Variants in PLCZ1 observed in about 807,000 individuals in gnomAD.
The protein encoded by PLCZ1 is 1-phosphatidylinositol 4,5-bisphosphate phosphodiesterase zeta-1.
PLCZ1 carries 64 observed loss-of-function variants against 76.8 expected under a neutral mutation model. The observed-to-expected ratio is 0.83, with a 90% confidence interval of 0.68 to 1.03. The LOEUF is 1.03. PLCZ1 is among the 50% of genes least tolerant of loss of function. PLCZ1 has a pLI of 0.00. For missense variants in PLCZ1, 751 were observed against 713.7 expected (o/e 1.05, Z -0.60); for synonymous variants, 248 against 230.8 (o/e 1.07, Z -0.68).
rs1370935394 is a variant in PLCZ1 at position 18,700,538 on chromosome 12, A to AAAAAAAAAAAAAAAG, written c.1018-589_1018-588insCTTTTTTTTTTTTTT. On this transcript the variant is annotated intron_variant, in intron 9 of 14. Coordinates refer to ENST00000266505, the MANE Select transcript of PLCZ1 (RefSeq NM_033123.4). ...AAAAAAAAAAAAAAAAAAAAAAAAT[A>AAAAAAAAAAAAAAAG]GTTGCTCTGCCAAGAGATAGGCATT... 2.9e-5 allele frequency among the ~76,000 whole-genome samples: 4 copies of AAAAAAAAAAAAAAAG among 135,918 alleles called. 1 individual carries two copies. The highest frequency in any genetic ancestry group is 8.1e-5 in the Admixed American group (1 of 12,352). The allele number at this position is 135,918 out of a possible 152,430, so 89.2% of individuals were successfully genotyped here.
At chr12:18,664,495 T>C in the PLCZ1 span, among the ~76,000 whole-genome samples, 2 of 152,290 alleles carry the variant, frequency 1.3e-5, no homozygotes, top group East Asian at 1.9e-4. Context: ...GAGGGCATTA[T>C]GCTAAGTGAA....
At chr12:18,709,859 G>A (rs916465943) in intron 6 of PLCZ1, among the ~76,000 whole-genome samples, 1 of 151,950 alleles carries the variant, frequency 6.6e-6, no homozygotes, top group Non-Finnish European at 1.5e-5. Context: ...ATAGTTTTCA[G>A]TATACAGATC....
At chr12:18,665,377 T>C in the PLCZ1 span, among the ~76,000 whole-genome samples, 1 of 152,108 alleles carries the variant, frequency 6.6e-6, no homozygotes, top group Non-Finnish European at 1.5e-5. Context: ...GCTAAAATAG[T>C]ATGTTTTATA....
intron 3 of PLCZ1, among the ~76,000 whole-genome samples, chr12:18,733,508 A>G (rs1307708067): frequency 1.3e-5 from 2 of 151,932 alleles, no homozygotes; most frequent in African/African-American, 2.4e-5. Context: ...CTTTGTTTCA[A>G]TCCCTTTGGA....
chr12:18,650,115 T>C, the PLCZ1 span, among the ~76,000 whole-genome samples: 25,547 of 151,950 alleles, frequency 0.17, 2,689 homozygotes, highest in African/African-American at 0.29. Flanking sequence ...AACTCAATAT[T>C]CCCTTGAATT....
chr12:18,669,429 A>G, the PLCZ1 span, among the ~76,000 whole-genome samples: 3 of 152,208 alleles, frequency 2.0e-5, no homozygotes, highest in Non-Finnish European at 4.4e-5. Flanking sequence ...AATCTAATTC[A>G]TATTATCAGT....
chr12:18,677,713 A>G, the PLCZ1 span, among the ~76,000 whole-genome samples: 1 of 152,112 alleles, frequency 6.6e-6, no homozygotes. Flanking sequence ...AATGTTCTAT[A>G]TGATTCCAGT....
chr12:18,721,055 A>G lies in PLCZ1; in HGVS notation c.368-1423T>C, dbSNP rs16914538. 1.3e-4 allele frequency among the ~76,000 whole-genome samples: 20 copies of G among 152,220 alleles called. No homozygotes were observed. The East Asian group carries it at 3.9e-3, about 29-fold the overall frequency. Reference sequence around the variant, plus strand: ...TATAAATTTAGGAAGATAGAAGTGTATGGAGCAAATGAATCATGCATTGTA... The same window carrying G: ...TATAAATTTAGGAAGATAGAAGTGTGTGGAGCAAATGAATCATGCATTGTA... On this transcript the variant is annotated intron_variant, in intron 4 of 14. Coordinates refer to ENST00000266505, the MANE Select transcript of PLCZ1 (RefSeq NM_033123.4).
the PLCZ1 span, among the ~76,000 whole-genome samples, chr12:18,668,309 T>C: frequency 1.3e-5 from 2 of 152,332 alleles, no homozygotes; most frequent in South Asian, 4.1e-4. Context: ...TAATAATTCT[T>C]TGGAAAGTCA....
intron 7 of PLCZ1, among the ~76,000 whole-genome samples, chr12:18,703,047 G>A (rs555005065): frequency 4.6e-5 from 7 of 152,054 alleles, no homozygotes; most frequent in African/African-American, 1.2e-4. Flanking sequence ...AGCTATGTAC[G>A]GGAATGCTAG....
At chr12:18,647,157 A>G in the PLCZ1 span, among the ~76,000 whole-genome samples, 9 of 152,158 alleles carry the variant, frequency 5.9e-5, no homozygotes, top group African/African-American at 2.2e-4. Flanking sequence ...TTGAATAAAT[A>G]AAAGTAACCA....
chr12:18,688,223 A>T lies in PLCZ1; in HGVS notation c.1462-5T>A. ...CAACTGGATACCACTGATGAGCTGC[A>T]CAAATATATATGAATATAAGAATTT... is the stretch of plus-strand genomic sequence containing the variant. On this transcript the variant is annotated splice_polypyrimidine_tract_variant and splice_region_variant and intron_variant, in intron 12 of 14. Transcript: ENST00000266505. The T allele has an allele frequency of 6.2e-7, 1 of 1,603,224 alleles. No individual in the cohort carries two copies. Among genetic ancestry groups the T allele is most frequent in the African/African-American group, 1.3e-5 (1 of 74,720 alleles).
chr12:18,713,721 C>T (rs931832592), intron 5 of PLCZ1: 18 of 152,170 alleles, frequency 1.2e-4, no homozygotes, highest in African/African-American at 4.1e-4. Context: ...CTAGGAGAAA[C>T]GTATGACCTG....
At chr12:18,666,066 T>A in the PLCZ1 span, among the ~76,000 whole-genome samples, 1 of 151,866 alleles carries the variant, frequency 6.6e-6, no homozygotes, top group African/African-American at 2.4e-5. Context: ...TTAATGGTAA[T>A]CTCCAGGTAA....
the PLCZ1 span, among the ~76,000 whole-genome samples, chr12:18,662,893 C>T: frequency 1.3e-5 from 2 of 151,746 alleles, no homozygotes. Context: ...CATTTAACTA[C>T]AAAAAACATC....
chr12:18,703,863 C>CA (rs906392752), intron 7 of PLCZ1, among the ~76,000 whole-genome samples: 29 of 151,132 alleles, frequency 1.9e-4, no homozygotes, highest in Non-Finnish European at 3.2e-4. Context: ...TTTAAGTTGG[C>CA]AAAAAAAATA....
chr12:18,677,720 C>T, the PLCZ1 span, among the ~76,000 whole-genome samples: 5 of 152,024 alleles, frequency 3.3e-5, no homozygotes, highest in Non-Finnish European at 2.9e-5. Flanking sequence ...TATATGATTC[C>T]AGTGTTCAGA....
intron 11 of PLCZ1, 70 bp from the exon 12 acceptor site, chr12:18,695,149 C>T: frequency 1.4e-6 from 2 of 1,429,938 alleles, no homozygotes; most frequent in Non-Finnish European, 2.0e-6. Flanking sequence ...AAACCACTTA[C>T]TGAAATCTAA....
intron 9 of PLCZ1, 78 bp downstream of exon 9, chr12:18,701,423 A>T: frequency 1.2e-6 from 2 of 1,601,764 alleles, no homozygotes; most frequent in Non-Finnish European, 1.7e-6. Context: ...TTTTCTCCAG[A>T]ATTTTAAAAA....
Sources: allele counts gnomAD v4.1 joint callset (sites outside exome capture counted in the v4.1 genomes callset), GRCh38; gene constraint gnomAD v4.1.1; transcripts MANE v1.5; gene names NCBI Gene and HGNC (gene_info 2026-07-23, HGNC 2026-07-21).